MYH4: variants seen among roughly 807,000 people sequenced by gnomAD.
MYH4 encodes the protein myosin heavy chain 4.
Under a neutral mutation model 229.9 loss-of-function variants are expected in MYH4, and 200 were observed. The ratio of observed to expected loss-of-function variants is 0.87; its 90% confidence interval spans 0.78 to 0.98. MYH4 has a LOEUF of 0.98. Among genes scored for constraint, MYH4 ranks in the 50% least tolerant of loss-of-function variants. The pLI is 0.00. For missense variants in MYH4, 2,148 were observed against 2,332.6 expected (o/e 0.92, Z 1.63); for synonymous variants, 761 against 834.6 (o/e 0.91, Z 1.52).
chr17:10,448,303 T>A, intron 33 of MYH4, 93 bp downstream of exon 33: 1 of 1,414,460 alleles, frequency 7.1e-7, no homozygotes, highest in Non-Finnish European at 9.5e-7. Flanking sequence ...TTACTTGTGT[T>A]ATTCCCTAAA....
At position 10,466,350 on chromosome 17, in the gene MYH4, T is replaced by C. The variant is rs374349346; in HGVS notation, c.271A>G (p.Met91Val). The change falls in exon 4 of 40, where the codon ATG becomes GTG. Residue 91 changes from methionine to valine, a missense_variant. Met to Val is a conservative substitution (Grantham distance 21, BLOSUM62 1). Transcript: ENST00000255381. ...TCATGCAGGTGAGTCATCATGGCCA[T>C]GTCCTCGATCTTGTCATATTTGGGA... The part of the protein sequence containing the change: ...NPPKYDKIED[M>V]AMMTHLHEPA... 3 of 1,614,182 alleles carry C rather than the reference T, an allele frequency of 1.9e-6. No individual in the cohort carries two copies. The highest frequency in any genetic ancestry group is 2.5e-6 in the Non-Finnish European group (3 of 1,180,010).
In MYH4 at chr17:10,452,261, G is replaced by T. The variant is rs769526708; in HGVS notation, c.3418C>A (p.Arg1140Ser). The T allele has an allele frequency of 6.2e-7, 1 of 1,613,982 alleles. No individual in the cohort carries two copies. Among genetic ancestry groups the T allele is most frequent in the Non-Finnish European group, 8.5e-7 (1 of 1,180,010 alleles). Residue 1140 changes from arginine (R) to serine (S), a missense_variant, in exon 27 of 40, where the codon CGC (arginine) becomes AGC (serine). Coordinates refer to ENST00000255381, the MANE Select transcript of MYH4 (RefSeq NM_017533.2). ...TCCAGCTCCCGGGAGAGGTCAGAGCGCTGCTTCTCTGCTTTGGCCCGGGAG... is the reference window on the plus strand; with the variant it reads ...TCCAGCTCCCGGGAGAGGTCAGAGCTCTGCTTCTCTGCTTTGGCCCGGGAG... ...RASRAKAEKQ[R>S]SDLSRELEEI...
rs2072683440 is a variant in MYH4, at chr17:10,460,036, G to T, written c.1332C>A (p.Thr444=). 6.2e-7 allele frequency: 1 copy of T among 1,613,960 alleles called. No individual in the cohort carries two copies. Among genetic ancestry groups the T allele is most frequent in the Non-Finnish European group, 8.5e-7 (1 of 1,179,988 alleles). ...IYEKMFLWMV[T]RINQQLDTKQ... ...TGGTGTCCAGCTGCTGGTTGATGCG[G>T]GTGACCATCCACAGGAACATCTTCT... Residue 444 remains threonine (T), a synonymous_variant, in exon 14 of 40, where the codon ACC becomes ACA. Coordinates refer to ENST00000255381, the MANE Select transcript of MYH4 (RefSeq NM_017533.2).
chr17:10,460,124 G>T (rs767087393), intron 13 of MYH4, 23 bp from the exon 14 acceptor site: 1 of 1,614,114 alleles, frequency 6.2e-7, no homozygotes, highest in East Asian at 2.2e-5. Context: ...TGATAGTTTA[G>T]TTTTTTAAAT....
At chr17:10,453,999 G>A (rs2072608968) in intron 22 of MYH4, 114 bp from the exon 23 acceptor site, 9 of 1,369,166 alleles carry the variant, frequency 6.6e-6, no homozygotes, top group Non-Finnish European at 9.0e-6. Context: ...ATGTATACCA[G>A]TTGCTAACTT....
intron 22 of MYH4, 85 bp downstream of exon 22, chr17:10,454,470 C>A: frequency 2.6e-6 from 4 of 1,519,714 alleles, no homozygotes; most frequent in Non-Finnish European, 3.5e-6. Flanking sequence ...AGCAAACAAT[C>A]AGAACAAATG....
chr17:10,459,485 T>G (rs1380657007), intron 14 of MYH4, 64 bp from the exon 15 acceptor site: 1 of 1,610,560 alleles, frequency 6.2e-7, no homozygotes, highest in African/African-American at 1.3e-5. Flanking sequence ...GAGTATCTAT[T>G]AGTATTTTCT....
intron 39 of MYH4, 122 bp downstream of exon 39, chr17:10,444,482 C>G: frequency 1.4e-6 from 1 of 690,794 alleles, no homozygotes; most frequent in Non-Finnish European, 2.5e-6. Flanking sequence ...TCTAAATATT[C>G]ATGTTCATAC....
rs1241911082 is a variant in MYH4, at chr17:10,452,512, A to G, written c.3258-6T>C. 6.2e-7 allele frequency: 1 copy of G among 1,612,576 alleles called. No homozygotes were observed. The highest frequency in any genetic ancestry group is 1.3e-5 in the African/African-American group (1 of 74,910). The stretch of plus-strand genomic sequence containing the variant: ...TGCTCATTTCAAACTCTTTCCTATT[A>G]GAAGAGCAACACATTAGCTTATAAT... On this transcript the variant is annotated splice_region_variant and splice_polypyrimidine_tract_variant and intron_variant, in intron 25 of 39. Transcript: ENST00000255381.
intron 14 of MYH4, among the ~76,000 whole-genome samples, chr17:10,459,745 G>A (rs1043757391): frequency 6.6e-6 from 1 of 151,778 alleles, no homozygotes; most frequent in Non-Finnish European, 1.5e-5. Context: ...TAACCTCTCA[G>A]GGATCAACTT....
chr17:10,455,908 A>T lies in MYH4; in HGVS notation c.1969-7T>A, dbSNP rs2072634065. ...TCAGCTTATTCAAATTCTCCTGTGG[A>T]ACCATATGAAAAGTTTTAAAATCAT... On this transcript the variant is annotated splice_polypyrimidine_tract_variant and splice_region_variant and intron_variant, in intron 17 of 39. Coordinates refer to ENST00000255381, the MANE Select transcript of MYH4 (RefSeq NM_017533.2). The T allele has an allele frequency of 6.2e-7, 1 of 1,614,200 alleles. No individual in the cohort carries two copies. Among genetic ancestry groups the T allele is most frequent in the Non-Finnish European group, 8.5e-7 (1 of 1,180,028 alleles).
intron 2 of MYH4, among the ~76,000 whole-genome samples, chr17:10,467,926 G>T (rs2072784928): frequency 6.6e-6 from 1 of 152,174 alleles, no homozygotes; most frequent in African/African-American, 2.4e-5. Context: ...AGCAATGATG[G>T]CGACAACAGC....
chr17:10,454,462 C>G, intron 22 of MYH4, 93 bp downstream of exon 22: 1 of 1,505,218 alleles, frequency 6.6e-7, no homozygotes, highest in Non-Finnish European at 8.9e-7. Context: ...TTTTGAACAG[C>G]AAACAATCAG....
chr17:10,456,532 C>T lies in MYH4; in HGVS notation c.1921G>A (p.Gly641Ser), dbSNP rs2072640475. ...EAEGGGGKKG[G>S]KKKGSSFQTV... ...TGGAAAGAAGAACCCTTCTTTTTGC[C>T]ACCTTTCTTTCCACCACCACCCTCT... The change falls in exon 17 of 40, where the codon GGC becomes AGC. Residue 641 changes from glycine (G) to serine (S), a missense_variant. By Grantham distance (56) the Gly-to-Ser change is moderately conservative (BLOSUM62 0). Transcript: ENST00000255381. 6.2e-7 allele frequency: 1 copy of T among 1,613,548 alleles called. No individual in the cohort carries two copies. The highest frequency in any genetic ancestry group is 8.5e-7 in the Non-Finnish European group (1 of 1,179,852).
rs200535325 is a variant in MYH4, at chr17:10,463,511, C to G, written c.741+40G>C. 40 of 1,584,382 alleles carry G rather than the reference C, an allele frequency of 2.5e-5. No homozygotes were observed. The East Asian group carries it at 8.9e-4, about 35-fold the overall frequency. On this transcript the variant is annotated intron_variant, in intron 8 of 39. Coordinates refer to ENST00000255381, the MANE Select transcript of MYH4 (RefSeq NM_017533.2). ...ATTGACACCACATGCACACAAGAAT[C>G]AGTGCTGATCCTCAAGAAAATGAAG...
At chr17:10,461,532 G>A (rs531805094) in intron 11 of MYH4, among the ~76,000 whole-genome samples, 1 of 152,046 alleles carries the variant, frequency 6.6e-6, no homozygotes, top group Non-Finnish European at 1.5e-5. Flanking sequence ...ATGGGCATGA[G>A]TGATAAAGTT....
Position 10,443,555 on chromosome 17 carries a change from C to T in MYH4, c.5668-28G>A. 6.3e-7 allele frequency: 1 copy of T among 1,589,962 alleles called. No homozygotes were observed. Among genetic ancestry groups the T allele is most frequent in the East Asian group, 2.2e-5 (1 of 44,478 alleles). On this transcript the variant is annotated intron_variant, in intron 39 of 39. Coordinates refer to ENST00000255381, the MANE Select transcript of MYH4 (RefSeq NM_017533.2). This position sits in a 1 kb window ranked among gnomAD's most constrained non-coding sequence, Gnocchi z 4.6. ...GAGAACAGAGATGCATTTGAGATAA[C>T]AAGAAAATTGGACATTTCCTGATTG...
intron 37 of MYH4, 30 bp from the exon 38 acceptor site, chr17:10,444,929 T>C: frequency 6.2e-7 from 1 of 1,614,150 alleles, no homozygotes; most frequent in East Asian, 2.2e-5. Context: ...TTTACCAGTT[T>C]GGCTGTAACT....
rs368501271 is a variant in MYH4, at chr17:10,449,086, C to G, written c.4182-39G>C. Reference sequence around the variant, plus strand: ...CAGTATGAGTGACCAAGAGCAGACTCAGAGTCACCACAGTGCCCTTTATAA... The same window carrying G: ...CAGTATGAGTGACCAAGAGCAGACTGAGAGTCACCACAGTGCCCTTTATAA... On this transcript the variant is annotated intron_variant, in intron 30 of 39. Transcript: ENST00000255381. 5.7e-6 allele frequency: 9 copies of G among 1,584,144 alleles called. No homozygotes were observed. In the African/African-American group the frequency reaches 9.4e-5, roughly 17 times the overall value.
Sources: allele counts gnomAD v4.1 joint callset (sites outside exome capture counted in the v4.1 genomes callset), GRCh38; gene constraint gnomAD v4.1.1; non-coding constraint Gnocchi (gnomAD v3.1); transcripts MANE v1.5; gene names NCBI Gene and HGNC (gene_info 2026-07-23, HGNC 2026-07-21).